KCND2: variants seen among roughly 807,000 people sequenced by gnomAD.
The protein encoded by KCND2 is A-type voltage-gated potassium channel KCND2.
A neutral mutation model predicts 54.4 loss-of-function variants in KCND2; 16 were observed. The observed-to-expected ratio is 0.29, with a 90% confidence interval of 0.20 to 0.45. The LOEUF (loss-of-function observed/expected upper bound fraction) is 0.45. Among genes scored for constraint, KCND2 ranks in the 20% least tolerant of loss-of-function variants. The pLI is 1.00. For synonymous variants in KCND2, 317 were observed against 310.7 expected, an observed-to-expected ratio of 1.02 and a Z score of -0.21; for missense variants, 486 against 824.2, an observed-to-expected ratio of 0.59 and a Z score of 5.02.
chr7:120,396,783 A>T (rs79596954), intron 1 of KCND2, among the ~76,000 whole-genome samples: 4,016 of 152,118 alleles, frequency 0.026, 84 homozygotes, highest in Non-Finnish European at 0.045. Context: ...GAACTCTCCA[A>T]GTTATTGCCT....
At chr7:120,461,304 G>C (rs546923219) in intron 1 of KCND2, among the ~76,000 whole-genome samples, 26 of 152,264 alleles carry the variant, frequency 1.7e-4, no homozygotes, top group Non-Finnish European at 3.4e-4. Flanking sequence ...ATATCCACAA[G>C]AGCAGACACT....
intron 1 of KCND2, among the ~76,000 whole-genome samples, chr7:120,315,765 AGTGTGTGTGTGTGTGTGTGTGT>A (rs59537613): frequency 2.5e-4 from 35 of 137,598 alleles, no homozygotes; most frequent in African/African-American, 6.7e-4. Flanking sequence ...TTCCATAAGC[AGTGTGTGTGTGTGTGTGTGTGT>A]GTGTGTGTGT....
At chr7:120,593,640 CT>C in intron 1 of KCND2, among the ~76,000 whole-genome samples, 1 of 152,078 alleles carries the variant, frequency 6.6e-6, no homozygotes, top group South Asian at 2.1e-4. Flanking sequence ...ATGGCAATAA[CT>C]TTATTGGACT....
chr7:120,648,952 A>G (rs974398313), intron 1 of KCND2, among the ~76,000 whole-genome samples: 8 of 150,866 alleles, frequency 5.3e-5, no homozygotes, highest in Admixed American at 5.3e-4. Flanking sequence ...AATAAAAATT[A>G]ATAAGCCATT....
chr7:120,379,543 T>C (rs1421719479), intron 1 of KCND2, among the ~76,000 whole-genome samples: 1 of 152,086 alleles, frequency 6.6e-6, no homozygotes, highest in Admixed American at 6.6e-5. Context: ...TTTGCCTTTC[T>C]TTAAGTCATT....
chr7:120,648,379 G>GCTACTTACTCTCAAA (rs1793467624), intron 1 of KCND2, among the ~76,000 whole-genome samples: 3 of 152,142 alleles, frequency 2.0e-5, no homozygotes, highest in Non-Finnish European at 2.9e-5. Flanking sequence ...AAATTATGTG[G>GCTACTTACTCTCAAA]AGTAGTAGGT....
intron 1 of KCND2, among the ~76,000 whole-genome samples, chr7:120,691,884 G>A (rs1335910543): frequency 2.6e-5 from 4 of 152,184 alleles, no homozygotes; most frequent in Non-Finnish European, 5.9e-5. Flanking sequence ...AGGAAAATAA[G>A]GAGAATGCAG....
chr7:120,630,383 C>G (rs191150265), intron 1 of KCND2, among the ~76,000 whole-genome samples: 32 of 152,216 alleles, frequency 2.1e-4, no homozygotes, highest in Non-Finnish European at 4.0e-4. Flanking sequence ...GAAAAAAAGC[C>G]TCCTTTTTTC....
At chr7:120,518,918 A>G (rs1362737068) in intron 1 of KCND2, among the ~76,000 whole-genome samples, 2 of 152,198 alleles carry the variant, frequency 1.3e-5, no homozygotes, top group African/African-American at 2.4e-5. Context: ...TTTCAAAAGC[A>G]GAGACCTTTC....
At chr7:120,462,996 T>C (rs559249778) in intron 1 of KCND2, among the ~76,000 whole-genome samples, 2 of 152,204 alleles carry the variant, frequency 1.3e-5, no homozygotes, top group South Asian at 4.1e-4. Flanking sequence ...CAAGCAAAGA[T>C]AGGCCATGCT....
At chr7:120,387,234 A>G (rs12706282) in intron 1 of KCND2, among the ~76,000 whole-genome samples, 101,882 of 151,922 alleles carry the variant, frequency 0.67, 38,782 homozygotes, top group East Asian at 0.91. Context: ...GAATATGCAT[A>G]TGATATATAT....
At chr7:120,617,973 T>C (rs1793049397) in intron 1 of KCND2, among the ~76,000 whole-genome samples, 1 of 151,936 alleles carries the variant, frequency 6.6e-6, no homozygotes, top group Admixed American at 6.6e-5. Context: ...TACACGTAAA[T>C]ACAAAGATGG....
intron 1 of KCND2, among the ~76,000 whole-genome samples, chr7:120,479,796 C>A (rs867010555): frequency 1.0e-3 from 76 of 75,568 alleles, no homozygotes; most frequent in Middle Eastern, 8.3e-3. Context: ...TACACACACA[C>A]AAAAAAAAAA....
At chr7:120,624,869 A>G (rs1793146141) in intron 1 of KCND2, among the ~76,000 whole-genome samples, 1 of 152,148 alleles carries the variant, frequency 6.6e-6, no homozygotes, top group African/African-American at 2.4e-5. Flanking sequence ...AACAGAAATG[A>G]CATTTTCTCA....
Position 120,558,872 on chromosome 7 carries a change from CAG to C in KCND2, c.1116-174030_1116-174029del, listed in dbSNP as rs1265145743. On this transcript the variant is annotated intron_variant, in intron 1 of 5. Coordinates refer to ENST00000331113, the MANE Select transcript of KCND2 (RefSeq NM_012281.3). ...ATATCTAGGAAATTATTATATCCAA[CAG>C]GGAATAATAGTATAAAAGGAGATGA... Among the ~76,000 whole-genome samples the C allele has an allele frequency of 2.0e-5, 3 of 152,116 alleles. No individual in the cohort carries two copies. In the East Asian group the frequency reaches 5.8e-4, roughly 29 times the overall value.
At chr7:120,421,315 A>G (rs1264069949) in intron 1 of KCND2, among the ~76,000 whole-genome samples, 1 of 152,192 alleles carries the variant, frequency 6.6e-6, no homozygotes, top group African/African-American at 2.4e-5. Context: ...AGAGATGATG[A>G]AACTGTGGCT....
At chr7:120,368,396 A>T (rs779331713) in intron 1 of KCND2, among the ~76,000 whole-genome samples, 73 of 152,118 alleles carry the variant, frequency 4.8e-4, no homozygotes, top group South Asian at 1.7e-3. Context: ...CCCTGAAAAA[A>T]TAAAAAAAAT....
chr7:120,504,779 T>C (rs115157357), intron 1 of KCND2, among the ~76,000 whole-genome samples: 223 of 151,930 alleles, frequency 1.5e-3, no homozygotes, highest in African/African-American at 5.0e-3. Flanking sequence ...TTTCCAAAGA[T>C]CTTTACAATA....
chr7:120,598,094 A>G (rs1457807917), intron 1 of KCND2, among the ~76,000 whole-genome samples: 1 of 152,094 alleles, frequency 6.6e-6, no homozygotes, highest in African/African-American at 2.4e-5. Context: ...AAAAAACTAA[A>G]GAAAAACTAA....
Sources: gnomAD v4.1 joint callset for allele counts (sites outside exome capture counted in the v4.1 genomes callset) on GRCh38, gnomAD v4.1.1 for gene constraint, MANE v1.5 for transcripts, NCBI Gene and HGNC (gene_info 2026-07-23, HGNC 2026-07-21) for gene names.